Variants in RBFOX1 observed in about 807,000 individuals in gnomAD.
The protein encoded by RBFOX1 is RNA binding fox-1 homolog 1, also known as RNA binding protein fox-1 homolog 1.
Under a neutral mutation model 57.7 loss-of-function variants are expected in RBFOX1, and 8 were observed. The observed-to-expected ratio is 0.14, with a 90% CI of 0.08 to 0.25. The LOEUF (loss-of-function observed/expected upper bound fraction) is 0.25, where lower values mean the gene tolerates loss of function less well. Among genes scored for constraint, RBFOX1 ranks in the 10% least tolerant of loss-of-function variants. The probability of loss-of-function intolerance (pLI) is 1.00; values close to 1 mark genes in which losing one functional copy is unlikely to be tolerated. For missense variants in RBFOX1, 611 were observed against 548.5 expected (o/e 1.11, Z -1.14); for synonymous variants, 326 against 222.4 (o/e 1.47, Z -4.15).
chr16:5,537,845 T>C (rs561162486), intron 2 of RBFOX1, among the ~76,000 whole-genome samples: 1 of 152,374 alleles, frequency 6.6e-6, no homozygotes, highest in African/African-American at 2.4e-5. Flanking sequence ...ATCTTTAATC[T>C]GCAAAGGCTG....
At chr16:7,286,599 A>C (rs1264977139) in intron 4 of RBFOX1, among the ~76,000 whole-genome samples, 4 of 142,666 alleles carry the variant, frequency 2.8e-5, no homozygotes, top group Admixed American at 7.1e-5. Context: ...TCAGGAGCAC[A>C]CCACCAGGAC....
intron 2 of RBFOX1, among the ~76,000 whole-genome samples, chr16:5,472,153 CT>C (rs2069158946): frequency 6.6e-6 from 1 of 152,172 alleles, no homozygotes; most frequent in Admixed American, 6.5e-5. Context: ...TCCCTGCCTT[CT>C]AGCATCACCA....
intron 5 of RBFOX1, among the ~76,000 whole-genome samples, chr16:7,544,705 CTTTTA>C (rs1291280559): frequency 2.6e-5 from 4 of 152,166 alleles, no homozygotes; most frequent in African/African-American, 9.7e-5. Flanking sequence ...GATTACCTTT[CTTTTA>C]TTTTAGTCAC....
rs1238652194 is a variant in RBFOX1, at chr16:6,350,044, T to C, written c.-64+32987T>C. Among the ~76,000 whole-genome samples, 4 of 152,162 alleles carry C rather than the reference T, an allele frequency of 2.6e-5. No homozygotes were observed. The South Asian group carries it at 8.3e-4, about 32-fold the overall frequency. Reference sequence around the variant, plus strand: ...ACTTTGGTACGCTCAAGTATCCTTCTCAAAGCCCTTAAAATTTCAAAAAGT... The same window carrying C: ...ACTTTGGTACGCTCAAGTATCCTTCCCAAAGCCCTTAAAATTTCAAAAAGT... On this transcript the variant is annotated intron_variant, in intron 2 of 15. Coordinates refer to ENST00000550418, the MANE Select transcript of RBFOX1 (RefSeq NM_018723.4).
chr16:6,792,674 T>C (rs867307521), intron 3 of RBFOX1, among the ~76,000 whole-genome samples: 2 of 152,064 alleles, frequency 1.3e-5, no homozygotes, highest in Non-Finnish European at 2.9e-5. Context: ...ATTTCTGGTT[T>C]TCATGTCTGT....
intron 4 of RBFOX1, among the ~76,000 whole-genome samples, chr16:7,438,528 G>C (rs926364173): frequency 6.6e-6 from 1 of 152,298 alleles, no homozygotes; most frequent in South Asian, 2.1e-4. Context: ...CCTTCCTTTA[G>C]AAGGGCGTAA....
At chr16:5,632,129 AAGGACAC>A (rs1310947318) in intron 3 of RBFOX1, among the ~76,000 whole-genome samples, 2 of 152,228 alleles carry the variant, frequency 1.3e-5, no homozygotes, top group Non-Finnish European at 2.9e-5. Flanking sequence ...CCTCTTCACA[AAGGACAC>A]AGGATGCAGG....
At chr16:5,818,359 C>T (rs2083702961) in intron 3 of RBFOX1, among the ~76,000 whole-genome samples, 1 of 152,170 alleles carries the variant, frequency 6.6e-6, no homozygotes, top group African/African-American at 2.4e-5. Context: ...TCATGGGGTT[C>T]TCGCACTCCC....
At position 6,767,941 on chromosome 16, in the gene RBFOX1, TAATAATAAGAAG is replaced by T. The variant is rs1472015232; in HGVS notation, c.-16+113294_-16+113305del. On this transcript the variant is annotated intron_variant, in intron 3 of 15. Transcript: ENST00000550418. ...ATAATAATAATAATAATAATAATAA[TAATAATAAGAAG>T]AAGAAGAAGAAGAAGAAGAAGAAGA... is the stretch of plus-strand genomic sequence containing the variant. Among the ~76,000 whole-genome samples, 704 of 85,030 alleles carry T rather than the reference TAATAATAAGAAG, an allele frequency of 8.3e-3. 4 individuals carry two copies. Among genetic ancestry groups the T allele is most frequent in the African/African-American group, 0.03 (483 of 16,292 alleles). 55.8% of individuals were successfully genotyped at this position (85,030 alleles called of 152,430 possible). A position where few individuals can be genotyped will look rare whatever the true frequency, so the allele number is the denominator to read the frequency against.
chr16:7,456,607 G>C (rs1419984339), intron 4 of RBFOX1, among the ~76,000 whole-genome samples: 1 of 152,102 alleles, frequency 6.6e-6, no homozygotes, highest in Non-Finnish European at 1.5e-5. Context: ...CAGGCAAGGG[G>C]GTATTGTGGT....
intron 3 of RBFOX1, among the ~76,000 whole-genome samples, chr16:5,716,184 AT>A (rs1240910864): frequency 6.6e-6 from 1 of 152,126 alleles, no homozygotes; most frequent in Non-Finnish European, 1.5e-5. Flanking sequence ...GGCTCTTTTT[AT>A]TTTTAAACTT....
intron 3 of RBFOX1, among the ~76,000 whole-genome samples, chr16:7,021,088 A>G (rs944446661): frequency 6.6e-6 from 1 of 152,138 alleles, no homozygotes; most frequent in African/African-American, 2.4e-5. Context: ...AGGTCGTGCT[A>G]CTGCACTCCA....
At position 6,754,911 on chromosome 16, in the gene RBFOX1, G is replaced by C. The variant is rs552083461; in HGVS notation, c.-16+100261G>C. Among the ~76,000 whole-genome samples the C allele has an allele frequency of 5.3e-5, 8 of 151,738 alleles. No individual in the cohort carries two copies. In the South Asian group the frequency reaches 1.7e-3, roughly 32 times the overall value. The stretch of plus-strand genomic sequence containing the variant: ...GATGTTCCCCTTGCTGTGTCCATGT[G>C]TTCTCATTGTTCAGTTCCCACCTAT... On this transcript the variant is annotated intron_variant, in intron 3 of 15. Coordinates refer to ENST00000550418, the MANE Select transcript of RBFOX1 (RefSeq NM_018723.4).
intron 3 of RBFOX1, among the ~76,000 whole-genome samples, chr16:5,703,052 C>G (rs776792432): frequency 1.3e-5 from 2 of 152,062 alleles, no homozygotes; most frequent in Non-Finnish European, 2.9e-5. Context: ...GTCCTGTGTG[C>G]TGGAGTTGAT....
intron 1 of RBFOX1, among the ~76,000 whole-genome samples, chr16:6,207,776 G>A (rs1018073217): frequency 2.0e-5 from 3 of 152,110 alleles, no homozygotes; most frequent in African/African-American, 7.2e-5. Flanking sequence ...TAGCCTCAAA[G>A]CCCTGGGCTC....
intron 2 of RBFOX1, among the ~76,000 whole-genome samples, chr16:6,567,603 C>T (rs1022276223): frequency 6.6e-6 from 1 of 152,126 alleles, no homozygotes; most frequent in Non-Finnish European, 1.5e-5. Context: ...CACTTGAGAA[C>T]AAAGGAAAGG....
intron 4 of RBFOX1, among the ~76,000 whole-genome samples, chr16:7,489,141 C>T (rs1249662241): frequency 6.6e-6 from 1 of 152,142 alleles, no homozygotes; most frequent in Non-Finnish European, 1.5e-5. Context: ...TGTTTCTCTG[C>T]CTCTGTCTGT....
At chr16:6,914,216 A>G (rs1024241949) in intron 3 of RBFOX1, among the ~76,000 whole-genome samples, 9 of 152,204 alleles carry the variant, frequency 5.9e-5, no homozygotes, top group African/African-American at 9.6e-5. Flanking sequence ...TGAGTTTAGC[A>G]TATTTATTCC....
intron 4 of RBFOX1, among the ~76,000 whole-genome samples, chr16:7,056,985 C>G (rs1240745929): frequency 6.6e-6 from 1 of 151,022 alleles, no homozygotes; most frequent in Non-Finnish European, 1.5e-5. Flanking sequence ...GAATAGCTTT[C>G]TCATAGGATT....
Sources: gnomAD v4.1 joint callset for allele counts (sites outside exome capture counted in the v4.1 genomes callset) on GRCh38, gnomAD v4.1.1 for gene constraint, MANE v1.5 for transcripts, NCBI Gene and HGNC (gene_info 2026-07-23, HGNC 2026-07-21) for gene names.